ACYP2: variants seen among roughly 807,000 people sequenced by gnomAD.
The protein encoded by ACYP2 is acylphosphatase 2, also known as acylphosphatase-2.
In ACYP2, 12 loss-of-function variants were observed where a neutral mutation model predicts 11.2. The observed-to-expected ratio is 1.08, with a 90% CI of 0.69 to 1.74. The LOEUF is 1.74. ACYP2 is among the 40% of genes most tolerant of loss of function. ACYP2 has a pLI of 0.00. For synonymous variants in ACYP2, 43 were observed against 32.2 expected, an observed-to-expected ratio of 1.33 and a Z score of -1.13; for missense variants, 134 against 101.9, an observed-to-expected ratio of 1.31 and a Z score of -1.35.
intron 6 of ACYP2, among the ~76,000 whole-genome samples, chr2:54,138,979 T>C (rs1471355704): frequency 2.0e-5 from 3 of 152,180 alleles, no homozygotes; most frequent in African/African-American, 4.8e-5. Flanking sequence ...TAATGTTTCA[T>C]TGGACAGTAA....
In ACYP2 at chr2:54,304,887, G is replaced by T. The variant is rs1049796439; in HGVS notation, c.*85G>T. 38 of 655,862 alleles carry T rather than the reference G, an allele frequency of 5.8e-5. No individual in the cohort carries two copies. The African/African-American group carries it at 6.0e-4, about 10-fold the overall frequency. 40.6% of individuals were successfully genotyped at this position (655,862 alleles called of 1,614,324 possible). ...ATACTAGAATAATAGTAGCAGAGTA[G>T]GGTGAAAAGGAACTTTCTGTTCTGA... On this transcript the variant is annotated 3_prime_UTR_variant, in exon 7 of 7. Coordinates refer to ENST00000607452, the MANE Select transcript of ACYP2 (RefSeq NM_001320586.2).
intron 2 of ACYP2, chr2:53,975,347 A>C (rs1431686449): frequency 2.5e-6 from 1 of 398,288 alleles, no homozygotes; most frequent in African/African-American, 2.1e-5. Context: ...TCTTCCTCTT[A>C]TTCTAAATAA....
chr2:54,045,658 C>A (rs1025244281), intron 2 of ACYP2, among the ~76,000 whole-genome samples: 1 of 150,958 alleles, frequency 6.6e-6, no homozygotes, highest in Non-Finnish European at 1.5e-5. Flanking sequence ...CTACTAAAAA[C>A]ACAAAAAATT....
Position 54,155,531 on chromosome 2 carries a change from A to G in ACYP2, c.404+16783A>G, listed in dbSNP as rs1385590237. 6.6e-5 allele frequency among the ~76,000 whole-genome samples: 10 copies of G among 152,324 alleles called. No homozygotes were observed. In the East Asian group the frequency reaches 1.9e-3, roughly 29 times the overall value. ...ATCAGTGGCAGCATTAGAGTCTTAT[A>G]GCAGAGCGAACCCTATTGTGAACTG... On this transcript the variant is annotated intron_variant, in intron 6 of 6. Transcript: ENST00000607452.
chr2:54,184,283 T>G (rs189370250), intron 6 of ACYP2, among the ~76,000 whole-genome samples: 2 of 152,256 alleles, frequency 1.3e-5, no homozygotes, highest in East Asian at 3.9e-4. Flanking sequence ...AGAATGGATA[T>G]TTAGCATTGT....
chr2:54,242,023 A>G (rs77831540), intron 6 of ACYP2, among the ~76,000 whole-genome samples: 3,396 of 152,316 alleles, frequency 0.022, 112 homozygotes, highest in African/African-American at 0.076. Flanking sequence ...CAAAAAAGAA[A>G]AAAATTCAGC....
intron 2 of ACYP2, among the ~76,000 whole-genome samples, chr2:53,983,633 G>C (rs375957412): frequency 6.6e-6 from 1 of 152,184 alleles, no homozygotes; most frequent in African/African-American, 2.4e-5. Flanking sequence ...GGCTGAAGCA[G>C]AGTTAGATCA....
At chr2:54,187,023 T>G (rs1184406085) in intron 6 of ACYP2, among the ~76,000 whole-genome samples, 1 of 152,186 alleles carries the variant, frequency 6.6e-6, no homozygotes, top group Non-Finnish European at 1.5e-5. Context: ...AGAATTTTTT[T>G]TTTCATCCAT....
At chr2:54,051,739 A>C in intron 3 of ACYP2, 1 of 555,366 alleles carries the variant, frequency 1.8e-6, no homozygotes, top group South Asian at 1.7e-5. Context: ...CAAGGCTGAA[A>C]AAAGCAAGAA....
At chr2:54,209,005 T>C (rs1685214964) in intron 6 of ACYP2, among the ~76,000 whole-genome samples, 1 of 151,430 alleles carries the variant, frequency 6.6e-6, no homozygotes, top group Non-Finnish European at 1.5e-5. Context: ...TTTGGCAAGC[T>C]CCACTTTTAA....
intron 2 of ACYP2, among the ~76,000 whole-genome samples, chr2:54,002,980 C>T (rs996565386): frequency 6.7e-6 from 1 of 149,666 alleles, no homozygotes; most frequent in South Asian, 2.1e-4. Context: ...CAGAGTCTCA[C>T]TCTGTCAACC....
chr2:54,024,638 G>C (rs1364687454), intron 2 of ACYP2, among the ~76,000 whole-genome samples: 1 of 152,136 alleles, frequency 6.6e-6, no homozygotes, highest in Admixed American at 6.6e-5. Flanking sequence ...ATTATACTGA[G>C]TGGGGAAAAG....
At chr2:54,012,723 C>A (rs1367060477) in intron 2 of ACYP2, among the ~76,000 whole-genome samples, 1 of 152,158 alleles carries the variant, frequency 6.6e-6, no homozygotes, top group Non-Finnish European at 1.5e-5. Context: ...GTTTCCCAAG[C>A]CTCCCAGTTG....
chr2:54,205,457 C>A (rs1458526047), intron 6 of ACYP2, among the ~76,000 whole-genome samples: 2 of 152,202 alleles, frequency 1.3e-5, no homozygotes, highest in African/African-American at 4.8e-5. Flanking sequence ...CTTATGACAT[C>A]AGTATACATT....
intron 6 of ACYP2, among the ~76,000 whole-genome samples, chr2:54,210,799 TA>T (rs1685303387): frequency 6.6e-6 from 1 of 152,180 alleles, no homozygotes; most frequent in Non-Finnish European, 1.5e-5. Context: ...TATCACTTGG[TA>T]ACTCTTTAAA....
At chr2:54,275,324 C>T (rs1360562981) in intron 6 of ACYP2, among the ~76,000 whole-genome samples, 1 of 152,178 alleles carries the variant, frequency 6.6e-6, no homozygotes, top group African/African-American at 2.4e-5. Context: ...ATTTAGGTCT[C>T]GTTATCTGTC....
At chr2:54,040,891 G>C (rs942320294) in intron 2 of ACYP2, among the ~76,000 whole-genome samples, 4 of 152,096 alleles carry the variant, frequency 2.6e-5, no homozygotes, top group Admixed American at 2.0e-4. Flanking sequence ...GAAAGAGGAA[G>C]TGAGGTCAAC....
intron 4 of ACYP2, among the ~76,000 whole-genome samples, chr2:54,093,313 A>G (rs1411384160): frequency 6.6e-6 from 1 of 152,280 alleles, no homozygotes; most frequent in Non-Finnish European, 1.5e-5. Context: ...AACTAAAAGT[A>G]GAAATATTGA....
In ACYP2 at chr2:54,265,856, C is replaced by T. The variant is rs1033839434; in HGVS notation, c.405-38832C>T. Among the ~76,000 whole-genome samples the T allele has an allele frequency of 2.3e-4, 35 of 152,252 alleles. 7 individuals carry two copies. Among genetic ancestry groups the T allele is most frequent in the Admixed American group, 2.0e-3 (31 of 15,302 alleles). ...TGAAGCACAGAATTGTTCTAAAGAG[C>T]GAAGCTTAGCATATATTAAGTATTT... On this transcript the variant is annotated intron_variant, in intron 6 of 6. Coordinates refer to ENST00000607452, the MANE Select transcript of ACYP2 (RefSeq NM_001320586.2).
Sources: allele counts gnomAD v4.1 joint callset (sites outside exome capture counted in the v4.1 genomes callset), GRCh38; gene constraint gnomAD v4.1.1; transcripts MANE v1.5; gene names NCBI Gene and HGNC (gene_info 2026-07-23, HGNC 2026-07-21).